The following WDR7 variants were observed in gnomAD, a reference collection of about 807,000 sequenced individuals.
WDR7 encodes the protein WD repeat domain 7.
A neutral mutation model predicts 169.4 loss-of-function variants in WDR7; 46 were observed. The observed-to-expected ratio is 0.27, with a 90% CI of 0.21 to 0.35. The LOEUF (loss-of-function observed/expected upper bound fraction) is 0.35, where lower values mean the gene tolerates loss of function less well. Ranked by LOEUF, WDR7 falls within the 10% of genes least tolerant of loss-of-function variation. The pLI, the probability that WDR7 is intolerant of heterozygous loss-of-function variation, is 1.00. For missense variants in WDR7, 1,534 were observed against 1,859.3 expected (o/e 0.83, Z 3.22); for synonymous variants, 612 against 666.8 (o/e 0.92, Z 1.27).
intron 20 of WDR7, among the ~76,000 whole-genome samples, chr18:56,860,979 A>G (rs1484412400): frequency 1.3e-5 from 2 of 152,170 alleles, no homozygotes; most frequent in Admixed American, 1.3e-4. Context: ...TTGTTTTTCT[A>G]GAAATACAAT....
chr18:56,868,788 T>C (rs1394043036), intron 20 of WDR7, among the ~76,000 whole-genome samples: 2 of 152,146 alleles, frequency 1.3e-5, no homozygotes, highest in Admixed American at 6.5e-5. Flanking sequence ...GTTTCTTAAA[T>C]TTGCCATGTG....
intron 12 of WDR7, among the ~76,000 whole-genome samples, chr18:56,711,851 C>T (rs2026093243): frequency 6.6e-6 from 1 of 152,008 alleles, no homozygotes; most frequent in Non-Finnish European, 1.5e-5. Flanking sequence ...ATCTTAACTG[C>T]ACATTTATGT....
At chr18:56,710,188 A>G (rs1026327017) in intron 12 of WDR7, among the ~76,000 whole-genome samples, 3 of 151,814 alleles carry the variant, frequency 2.0e-5, no homozygotes, top group African/African-American at 7.3e-5. Context: ...TATTTTTAGT[A>G]GACACGGGGT....
At chr18:56,846,255 C>T (rs940946860) in intron 20 of WDR7, among the ~76,000 whole-genome samples, 1 of 152,076 alleles carries the variant, frequency 6.6e-6, no homozygotes, top group African/African-American at 2.4e-5. Context: ...GGATGGATCC[C>T]TTATTAATGG....
At chr18:56,826,937 A>C (rs1227463664) in intron 20 of WDR7, among the ~76,000 whole-genome samples, 1 of 152,168 alleles carries the variant, frequency 6.6e-6, no homozygotes, top group South Asian at 2.1e-4. Flanking sequence ...TGAGAAGGCA[A>C]TGATCAAATT....
chr18:56,698,405 G>A (rs1226666809), intron 12 of WDR7, among the ~76,000 whole-genome samples: 1 of 152,006 alleles, frequency 6.6e-6, no homozygotes, highest in East Asian at 1.9e-4. Context: ...AGGAGATCAA[G>A]ACCATCCTGG....
At chr18:56,732,020 G>C (rs1300693314) in intron 14 of WDR7, among the ~76,000 whole-genome samples, 1 of 152,158 alleles carries the variant, frequency 6.6e-6, no homozygotes, top group Non-Finnish European at 1.5e-5. Flanking sequence ...ATTTTAGTAA[G>C]GTTAAGCGAT....
At chr18:56,876,877 A>G (rs1165273830) in intron 20 of WDR7, among the ~76,000 whole-genome samples, 3 of 152,098 alleles carry the variant, frequency 2.0e-5, no homozygotes, top group Non-Finnish European at 4.4e-5. Flanking sequence ...ATCAAAACCA[A>G]AGTACTTTTT....
At chr18:56,714,791 AG>A (rs2026157316) in intron 12 of WDR7, among the ~76,000 whole-genome samples, 1 of 152,218 alleles carries the variant, frequency 6.6e-6, no homozygotes, top group Non-Finnish European at 1.5e-5. Flanking sequence ...GGGGAATAAA[AG>A]TATTCTTTAA....
intron 21 of WDR7, among the ~76,000 whole-genome samples, chr18:56,889,569 A>G (rs1332878481): frequency 6.6e-6 from 1 of 152,248 alleles, no homozygotes; most frequent in Non-Finnish European, 1.5e-5. Flanking sequence ...AAATTGGATT[A>G]AACTTTGTGC....
intron 12 of WDR7, among the ~76,000 whole-genome samples, chr18:56,707,812 A>C (rs1427256238): frequency 1.3e-5 from 2 of 152,106 alleles, no homozygotes; most frequent in African/African-American, 4.8e-5. Flanking sequence ...TTTTTGATAC[A>C]GGCTTAAAGA....
intron 19 of WDR7, among the ~76,000 whole-genome samples, chr18:56,806,856 A>C (rs1171682030): frequency 1.3e-5 from 2 of 152,074 alleles, no homozygotes; most frequent in Non-Finnish European, 2.9e-5. Context: ...ATACCATTGC[A>C]CAGTTATTAT....
chr18:56,988,303 G>A, intron 26 of WDR7, among the ~76,000 whole-genome samples: 1 of 152,152 alleles, frequency 6.6e-6, no homozygotes, highest in East Asian at 1.9e-4. Context: ...ATTATCTCAT[G>A]ATAAACATAC....
intron 21 of WDR7, among the ~76,000 whole-genome samples, chr18:56,916,217 A>G (rs1314285537): frequency 1.3e-5 from 2 of 152,114 alleles, no homozygotes; most frequent in East Asian, 3.9e-4. Context: ...TGCTGTACCC[A>G]TTAACTCGTC....
Position 56,999,816 on chromosome 18 carries a change from C to T in WDR7, c.4165-20929C>T, listed in dbSNP as rs142276031. 2.3e-3 allele frequency among the ~76,000 whole-genome samples: 347 copies of T among 152,186 alleles called. 1 individual carries two copies. The highest frequency in any genetic ancestry group is 3.7e-3 in the South Asian group (18 of 4,820). ...ACTGCGGAGAACCTTGTAGCTGGGGCAGAAATAGGACTGCTAGAAAACCCC... is the reference window on the plus strand; with the variant it reads ...ACTGCGGAGAACCTTGTAGCTGGGGTAGAAATAGGACTGCTAGAAAACCCC... On this transcript the variant is annotated intron_variant, in intron 26 of 27. Transcript: ENST00000254442.
chr18:56,922,950 A>G (rs928086027), intron 21 of WDR7, among the ~76,000 whole-genome samples: 5 of 152,202 alleles, frequency 3.3e-5, no homozygotes, highest in Admixed American at 3.3e-4. Flanking sequence ...GCTCAGTAGT[A>G]TGAGAAAAGT....
intron 20 of WDR7, among the ~76,000 whole-genome samples, chr18:56,829,821 G>T (rs2045277250): frequency 6.6e-6 from 1 of 152,192 alleles, no homozygotes; most frequent in East Asian, 1.9e-4. Flanking sequence ...GTATGTGAAT[G>T]TGTGAATGTG....
chr18:56,843,678 T>G (rs1396535185), intron 20 of WDR7, among the ~76,000 whole-genome samples: 1 of 152,094 alleles, frequency 6.6e-6, no homozygotes, highest in Admixed American at 6.6e-5. Context: ...TGCTTTCAGT[T>G]ATTTTAGGTA....
At chr18:56,934,770 T>G (rs1263589129) in intron 22 of WDR7, among the ~76,000 whole-genome samples, 1 of 152,214 alleles carries the variant, frequency 6.6e-6, no homozygotes, top group Non-Finnish European at 1.5e-5. Flanking sequence ...CACAATCCAG[T>G]TTACATATAA....
Sources: allele counts gnomAD v4.1 joint callset (sites outside exome capture counted in the v4.1 genomes callset), GRCh38; gene constraint gnomAD v4.1.1; transcripts MANE v1.5; gene names NCBI Gene and HGNC (gene_info 2026-07-23, HGNC 2026-07-21).